Variants in GFPT1 observed in about 807,000 individuals in gnomAD.
GFPT1 encodes glutamine--fructose-6-phosphate transaminase 1, also known as glutamine--fructose-6-phosphate aminotransferase [isomerizing] 1.
In GFPT1, 40 loss-of-function variants were observed where a neutral mutation model predicts 92.0. That is an observed-to-expected ratio of 0.43 (90% CI 0.34 to 0.57). GFPT1 has a LOEUF of 0.57. GFPT1 is among the 20% of genes least tolerant of loss of function. GFPT1 has a pLI of 0.02. For missense variants in GFPT1, 448 were observed against 869.1 expected (o/e 0.52, Z 6.09); for synonymous variants, 269 against 280.6 (o/e 0.96, Z 0.41).
At chr2:69,348,428 T>C in intron 10 of GFPT1, 94 bp from the exon 11 acceptor site, 2 of 986,296 alleles carry the variant, frequency 2.0e-6, no homozygotes, top group Non-Finnish European at 3.2e-6. Flanking sequence ...AATTTCAATA[T>C]AAACTCTATC....
chr2:69,328,403 G>A lies in GFPT1; in HGVS notation c.1761C>T (p.Gly587=). The A allele has an allele frequency of 6.2e-7, 1 of 1,613,138 alleles. No homozygotes were observed. Among genetic ancestry groups the A allele is most frequent in the South Asian group, 1.1e-5 (1 of 91,048 alleles). Reference sequence around the variant, plus strand: ...CATGTTTCAATTCACCAGCAAGGATGCCTTCAGAGTGCATATAAGTAATTT... The same window carrying A: ...CATGTTTCAATTCACCAGCAAGGATACCTTCAGAGTGCATATAAGTAATTT... ...IKEITYMHSE[G]ILAGELKHGP... The change falls in exon 18 of 20, where the codon GGC becomes GGT. Residue 587 remains glycine, a synonymous_variant. Transcript: ENST00000357308.
intron 1 of GFPT1, among the ~76,000 whole-genome samples, chr2:69,378,651 T>C (rs1009325807): frequency 6.6e-6 from 1 of 152,270 alleles, no homozygotes; most frequent in African/African-American, 2.4e-5. Flanking sequence ...GAAAGCAATG[T>C]AGCTGCAAAT....
At chr2:69,352,374 G>T (rs929530014) in intron 9 of GFPT1, among the ~76,000 whole-genome samples, 1 of 152,050 alleles carries the variant, frequency 6.6e-6, no homozygotes. Flanking sequence ...CAGCACTTTG[G>T]GAGGCCGAGG....
In GFPT1 at chr2:69,326,992, C is replaced by G; in HGVS notation, c.1977G>C (p.Val659=). 6.2e-7 allele frequency: 1 copy of G among 1,614,134 alleles called. No individual in the cohort carries two copies. Among genetic ancestry groups the G allele is most frequent in the Non-Finnish European group, 8.5e-7 (1 of 1,179,974 alleles). Reference sequence around the variant, plus strand: ...CGCTGAGAATGCCCTGCAAGCAGTCCACTGAGTGGGGCACCTTGATCGTTC... The same window carrying G: ...CGCTGAGAATGCCCTGCAAGCAGTCGACTGAGTGGGGCACCTTGATCGTTC... The part of the protein sequence containing the change: ...TKRTIKVPHS[V]DCLQGILSVI... Residue 659 remains valine, a synonymous_variant, in exon 19 of 20, where the codon GTG becomes GTC. Transcript: ENST00000357308.
chr2:69,376,338 T>C (rs1038358558), intron 1 of GFPT1, among the ~76,000 whole-genome samples: 9 of 152,000 alleles, frequency 5.9e-5, no homozygotes, highest in African/African-American at 1.2e-4. Context: ...GCGAAACCCA[T>C]AGTTACTACT....
intron 15 of GFPT1, among the ~76,000 whole-genome samples, chr2:69,330,408 G>A (rs1428928236): frequency 1.3e-5 from 2 of 152,060 alleles, no homozygotes; most frequent in Non-Finnish European, 1.5e-5. Flanking sequence ...AAATCAGCAT[G>A]TGCCTAACCA....
At chr2:69,346,095 TA>T (rs1282325849) in intron 11 of GFPT1, 96 bp from the exon 12 acceptor site, 3 of 758,754 alleles carry the variant, frequency 4.0e-6, no homozygotes, top group Admixed American at 2.0e-5. Context: ...TCTTGGTAAA[TA>T]AAATATAACA....
intron 2 of GFPT1, among the ~76,000 whole-genome samples, chr2:69,371,753 C>T (rs537409427): frequency 6.2e-4 from 94 of 151,784 alleles, no homozygotes; most frequent in Non-Finnish European, 1.2e-3. Context: ...AGGAGAATGG[C>T]GTGAACCCGG....
intron 4 of GFPT1, among the ~76,000 whole-genome samples, 168 bp from the exon 5 acceptor site, chr2:69,359,494 T>C (rs1671418232): frequency 6.6e-6 from 1 of 152,194 alleles, no homozygotes; most frequent in Non-Finnish European, 1.5e-5. Flanking sequence ...CAGATTATCA[T>C]CAGGTAGATC....
At chr2:69,366,093 C>T (rs1671603803) in intron 3 of GFPT1, among the ~76,000 whole-genome samples, 1 of 152,142 alleles carries the variant, frequency 6.6e-6, no homozygotes, top group South Asian at 2.1e-4. Flanking sequence ...GGATTACAGG[C>T]GTGAGCCACC....
chr2:69,378,566 C>T (rs1671935183), intron 1 of GFPT1, among the ~76,000 whole-genome samples: 1 of 152,092 alleles, frequency 6.6e-6, no homozygotes. Flanking sequence ...AATTCAATGA[C>T]AAAAAAGCAA....
intron 6 of GFPT1, among the ~76,000 whole-genome samples, chr2:69,357,169 CCT>C (rs2104653302): frequency 6.6e-6 from 1 of 152,314 alleles, no homozygotes; most frequent in South Asian, 2.1e-4. Context: ...CCATCATCTA[CCT>C]ATCTATATCG....
At chr2:69,330,689 G>C (rs1670639791) in intron 15 of GFPT1, among the ~76,000 whole-genome samples, 1 of 150,918 alleles carries the variant, frequency 6.6e-6, no homozygotes, top group Admixed American at 6.6e-5. Flanking sequence ...AATAACACTT[G>C]TGAATATTGC....
chr2:69,370,100 A>C lies in GFPT1; in HGVS notation c.124T>G (p.Phe42Val), dbSNP rs948398303. 19 of 1,597,948 alleles carry C rather than the reference A, an allele frequency of 1.2e-5. No homozygotes were observed. In the African/African-American group the frequency reaches 2.3e-4, roughly 19 times the overall value. Residue 42 changes from phenylalanine (F) to valine (V), a missense_variant, in exon 3 of 20, where the codon TTT (phenylalanine) becomes GTT (valine). By Grantham distance (50) the Phe-to-Val change is conservative (BLOSUM62 -1). Around this residue, in one of 7 missense-constraint regions of GFPT1, gnomAD observed 72 missense variants for 95.1 expected, o/e 0.76. Coordinates refer to ENST00000357308, the MANE Select transcript of GFPT1 (RefSeq NM_001244710.2). The stretch of plus-strand genomic sequence containing the variant: ...CAATCTTTATCATTGCCTCCATCAA[A>C]TCCCACACCTAAACCATCATGAGGT... ...YRGYDSAGVG[F>V]DGGNDKDWEA...
At chr2:69,372,111 A>G (rs1176057184) in intron 2 of GFPT1, among the ~76,000 whole-genome samples, 3 of 150,450 alleles carry the variant, frequency 2.0e-5, no homozygotes, top group Non-Finnish European at 4.4e-5. Context: ...GAGGCAGGAG[A>G]ATTGCTTGAA....
intron 19 of GFPT1, among the ~76,000 whole-genome samples, chr2:69,326,507 T>C (rs370449183): frequency 4.6e-5 from 7 of 152,162 alleles, no homozygotes; most frequent in Non-Finnish European, 7.4e-5. Context: ...GTAGCCCTCA[T>C]AGGGGACACT....
At chr2:69,338,742 G>T (rs918525213) in intron 13 of GFPT1, among the ~76,000 whole-genome samples, 177 bp from the exon 14 acceptor site, 9 of 148,612 alleles carry the variant, frequency 6.1e-5, no homozygotes, top group Admixed American at 2.7e-4. Context: ...TACCACTTGA[G>T]ATAAGCATGG....
intron 1 of GFPT1, among the ~76,000 whole-genome samples, chr2:69,383,009 T>C (rs1190144565): frequency 6.6e-6 from 1 of 152,224 alleles, no homozygotes; most frequent in Non-Finnish European, 1.5e-5. Flanking sequence ...TAGTCATCTC[T>C]GCAAAGGGCA....
At chr2:69,354,615 T>C (rs746143500) in intron 7 of GFPT1, 47 bp from the exon 8 acceptor site, 3 of 1,072,998 alleles carry the variant, frequency 2.8e-6, no homozygotes, top group South Asian at 2.5e-5. Context: ...TTATAAATAA[T>C]GGACTAATGA....
Sources: gnomAD v4.1 joint callset for allele counts (sites outside exome capture counted in the v4.1 genomes callset) on GRCh38, gnomAD v4.1.1 for gene constraint, gnomAD v4.1.1 regional missense constraint, MANE v1.5 for transcripts, NCBI Gene and HGNC (gene_info 2026-07-23, HGNC 2026-07-21) for gene names.